The following CACNB4 variants were observed in gnomAD, a reference collection of about 807,000 sequenced individuals.
CACNB4 encodes the protein calcium voltage-gated channel auxiliary subunit beta 4, also known as voltage-dependent L-type calcium channel subunit beta-4.
In CACNB4, 32 loss-of-function variants were observed where a neutral mutation model predicts 71.2. The ratio of observed to expected loss-of-function variants is 0.45; its 90% CI spans 0.34 to 0.60. The LOEUF is 0.60. Among genes scored for constraint, CACNB4 ranks in the 20% least tolerant of loss-of-function variants. The pLI is 0.01. For missense variants in CACNB4, 464 were observed against 647.9 expected (o/e 0.72, Z 3.08); for synonymous variants, 231 against 236.9 (o/e 0.97, Z 0.23).
At chr2:152,063,814 C>G (rs1686149366) in intron 2 of CACNB4, among the ~76,000 whole-genome samples, 1 of 152,198 alleles carries the variant, frequency 6.6e-6, no homozygotes, top group Non-Finnish European at 1.5e-5. Context: ...CTCCGAATGT[C>G]TTCCTAGAAG....
At chr2:151,916,266 T>C (rs2099857496) in intron 2 of CACNB4, among the ~76,000 whole-genome samples, 1 of 152,180 alleles carries the variant, frequency 6.6e-6, no homozygotes. Flanking sequence ...TTCTCTTATC[T>C]CCTTTTTTAT....
At chr2:151,908,265 T>C (rs925945855) in intron 2 of CACNB4, among the ~76,000 whole-genome samples, 1 of 152,236 alleles carries the variant, frequency 6.6e-6, no homozygotes, top group African/African-American at 2.4e-5. Flanking sequence ...CTTTATAAGA[T>C]AGACAGTGGT....
intron 2 of CACNB4, among the ~76,000 whole-genome samples, chr2:152,001,310 C>G (rs541553406): frequency 1.7e-4 from 26 of 151,994 alleles, no homozygotes; most frequent in Non-Finnish European, 3.2e-4. Flanking sequence ...GCCCTGCCCT[C>G]TGGAAATTCA....
At chr2:151,991,570 C>T (rs950911840) in intron 2 of CACNB4, among the ~76,000 whole-genome samples, 1 of 152,138 alleles carries the variant, frequency 6.6e-6, no homozygotes, top group Admixed American at 6.5e-5. Flanking sequence ...ATGCCAAAAA[C>T]TGAAAAATGG....
intron 8 of CACNB4, chr2:151,870,190 A>C (rs753962934): frequency 1.5e-6 from 1 of 681,272 alleles, no homozygotes; most frequent in South Asian, 1.6e-5. Flanking sequence ...TGTGCTGTTC[A>C]TTCTCTATTA....
In CACNB4 at chr2:151,879,303, G is replaced by A. The variant is rs376812317; in HGVS notation, c.390+1497C>T. On this transcript the variant is annotated intron_variant, in intron 4 of 13. Transcript: ENST00000539935. Reference sequence around the variant, plus strand: ...TTTTAACTTAGTTCTAGGAAACAGCGAAAGCACAGTGAGAATCTGACTCAG... The same window carrying A: ...TTTTAACTTAGTTCTAGGAAACAGCAAAAGCACAGTGAGAATCTGACTCAG... Among the ~76,000 whole-genome samples the A allele has an allele frequency of 3.3e-4, 51 of 152,300 alleles. No individual in the cohort carries two copies. The East Asian group carries it at 4.4e-3, about 13-fold the overall frequency.
At chr2:152,016,577 T>C (rs1683358750) in intron 2 of CACNB4, among the ~76,000 whole-genome samples, 2 of 152,222 alleles carry the variant, frequency 1.3e-5, no homozygotes, top group East Asian at 1.9e-4. Flanking sequence ...TGATATTCCT[T>C]TGAATTTAGA....
chr2:151,841,942 C>T lies in CACNB4; in HGVS notation c.1263G>A (p.Thr421=), dbSNP rs760757262. The T allele has an allele frequency of 8.7e-6, 14 of 1,613,676 alleles. No individual in the cohort carries two copies. The highest frequency in any genetic ancestry group is 2.2e-5 in the South Asian group (2 of 91,068). The part of the protein sequence containing the change: ...TPLLGRNLGS[T]ALSPYPTAIS... ...TTGCTGTGGGATATGGTGAGAGTGC[C>T]GTGGAGCCCAAATTCCTTCCCAGCA... Residue 421 remains threonine, a synonymous_variant, in exon 13 of 14, where the codon ACG becomes ACA. Transcript: ENST00000539935.
chr2:152,059,753 A>G (rs771574551), intron 2 of CACNB4, among the ~76,000 whole-genome samples: 2 of 152,244 alleles, frequency 1.3e-5, no homozygotes, highest in Non-Finnish European at 1.5e-5. Flanking sequence ...ATGTGAGGAC[A>G]TGAAATTTGG....
chr2:151,870,909 A>G (rs1165891919), intron 6 of CACNB4, 48 bp from the exon 7 acceptor site: 1 of 1,364,214 alleles, frequency 7.3e-7, no homozygotes, highest in Admixed American at 1.9e-5. Flanking sequence ...AACTCTGCAA[A>G]TGACAGTACA....
In CACNB4 at chr2:152,061,323, T is replaced by C. The variant is rs7577006; in HGVS notation, c.147+37007A>G. The stretch of plus-strand genomic sequence containing the variant: ...CAAGATCCTGTCTCTAAAAAAAAAT[T>C]AATTTAGTTTTTAAAAATATCTGAA... On this transcript the variant is annotated intron_variant, in intron 2 of 13. Coordinates refer to ENST00000539935, the MANE Select transcript of CACNB4 (RefSeq NM_000726.5). Among the ~76,000 whole-genome samples the C allele has an allele frequency of 4.4e-3, 667 of 152,068 alleles. 3 individuals are homozygous for C. The highest frequency in any genetic ancestry group is 0.015 in the African/African-American group (640 of 41,482).
intron 2 of CACNB4, among the ~76,000 whole-genome samples, chr2:151,933,219 T>C (rs780389228): frequency 1.6e-4 from 25 of 151,534 alleles, no homozygotes; most frequent in Admixed American, 2.6e-4. Flanking sequence ...ACCAACCTAA[T>C]AGTATCCAAT....
chr2:151,851,898 AG>A (rs1278341418), intron 12 of CACNB4: 1 of 152,214 alleles, frequency 6.6e-6, no homozygotes, highest in Non-Finnish European at 1.5e-5. Context: ...AAACATTAGA[AG>A]GTCAGGGCTG....
intron 10 of CACNB4, chr2:151,860,448 A>G: frequency 2.1e-6 from 1 of 480,986 alleles, no homozygotes; most frequent in Non-Finnish European, 3.7e-6. Context: ...TCATGTAGTT[A>G]GGCAGGAAAA....
intron 2 of CACNB4, among the ~76,000 whole-genome samples, chr2:152,035,468 G>C (rs1684502234): frequency 6.6e-6 from 1 of 152,162 alleles, no homozygotes; most frequent in Non-Finnish European, 1.5e-5. Flanking sequence ...ACTGAGGCAG[G>C]AGAATCGCTT....
chr2:152,064,235 C>A (rs113915055), intron 2 of CACNB4, among the ~76,000 whole-genome samples: 3 of 152,180 alleles, frequency 2.0e-5, no homozygotes, highest in Non-Finnish European at 4.4e-5. Context: ...ATGTCTCCCA[C>A]GTGGACTTTG....
At chr2:151,919,261 T>C (rs1307704793) in intron 2 of CACNB4, among the ~76,000 whole-genome samples, 1 of 152,220 alleles carries the variant, frequency 6.6e-6, no homozygotes, top group East Asian at 1.9e-4. Context: ...AGACAAGGTC[T>C]CACTCATTCA....
chr2:152,012,332 G>A (rs1172163075), intron 2 of CACNB4, among the ~76,000 whole-genome samples: 5 of 152,088 alleles, frequency 3.3e-5, no homozygotes, highest in Non-Finnish European at 7.4e-5. Context: ...TAAAAGGCGT[G>A]GTGGCTCACA....
At chr2:151,973,814 G>A (rs1579051190) in intron 2 of CACNB4, 1 of 1,527,246 alleles carries the variant, frequency 6.5e-7, no homozygotes, top group South Asian at 1.3e-5. Flanking sequence ...TGGGAGAACT[G>A]CGCCTGCCTT....
Sources: gnomAD v4.1 joint callset for allele counts (sites outside exome capture counted in the v4.1 genomes callset) on GRCh38, gnomAD v4.1.1 for gene constraint, MANE v1.5 for transcripts, NCBI Gene and HGNC (gene_info 2026-07-23, HGNC 2026-07-21) for gene names.